AMPD3: variants seen among roughly 807,000 people sequenced by gnomAD.
AMPD3 encodes AMP deaminase 3.
A neutral mutation model predicts 82.3 loss-of-function variants in AMPD3; 57 were observed. That is an observed-to-expected ratio of 0.69 (90% CI 0.56 to 0.86). The LOEUF (loss-of-function observed/expected upper bound fraction) is 0.86. AMPD3 is among the 40% of genes least tolerant of loss of function. AMPD3 has a pLI of 0.00. For synonymous variants in AMPD3, 381 were observed against 394.7 expected (o/e 0.97, Z 0.41); for missense variants, 870 against 1,003.8 (o/e 0.87, Z 1.80).
chr11:10,454,000 G>A (rs540524085), upstream of AMPD3, among the ~76,000 whole-genome samples: 11 of 152,256 alleles, frequency 7.2e-5, no homozygotes, highest in African/African-American at 2.4e-4. Context: ...CAGGAGAAGC[G>A]GGCCCTGTAT....
At chr11:10,486,524 T>G in intron 5 of AMPD3, 18 of 980,150 alleles carry the variant, frequency 1.8e-5, no homozygotes, top group East Asian at 1.1e-4. Context: ...GCCCCTTCTC[T>G]GAGTTGGTGG....
chr11:10,501,432 G>C (rs746269223), intron 11 of AMPD3, 38 bp from the exon 12 acceptor site: 6 of 1,609,156 alleles, frequency 3.7e-6, no homozygotes, highest in Admixed American at 3.3e-5. Flanking sequence ...AGCCAACTGG[G>C]GGGGGCCTTC....
intron 3 of AMPD3, 108 bp downstream of exon 3, chr11:10,478,838 C>A: frequency 8.1e-7 from 1 of 1,241,812 alleles, no homozygotes; most frequent in Non-Finnish European, 1.1e-6. Flanking sequence ...CCGTGGATGT[C>A]TGGGAGAAGG....
upstream of AMPD3, among the ~76,000 whole-genome samples, chr11:10,454,562 T>A (rs1227312071): frequency 6.6e-6 from 1 of 152,212 alleles, no homozygotes; most frequent in East Asian, 1.9e-4. Flanking sequence ...TGAATACCCA[T>A]AAGGGACTAC....
At chr11:10,490,710 CT>C (rs1031523794) in intron 6 of AMPD3, 1 of 922,132 alleles carries the variant, frequency 1.1e-6, no homozygotes, top group African/African-American at 1.8e-5. Flanking sequence ...GCTGACCCCC[CT>C]GTGGTGTGTC....
At chr11:10,483,740 C>T (rs1848983611) in intron 4 of AMPD3, among the ~76,000 whole-genome samples, 1 of 152,266 alleles carries the variant, frequency 6.6e-6, no homozygotes, top group Admixed American at 6.5e-5. Flanking sequence ...CCTGCATCAG[C>T]CCCTCTGTGG....
At chr11:10,474,946 A>G (rs1026429267) in intron 2 of AMPD3, among the ~76,000 whole-genome samples, 2 of 152,212 alleles carry the variant, frequency 1.3e-5, no homozygotes, top group Non-Finnish European at 2.9e-5. Context: ...AGTGCTTTCT[A>G]ACAGGGGCAC....
intron 6 of AMPD3, among the ~76,000 whole-genome samples, chr11:10,491,070 C>T (rs1849226520): frequency 6.6e-6 from 1 of 152,212 alleles, no homozygotes; most frequent in African/African-American, 2.4e-5. Context: ...CTTGGAGATG[C>T]TCAGCCAGCC....
chr11:10,487,248 C>A lies in AMPD3; in HGVS notation c.823C>A (p.His275Asn). ...TCCAACTTGCAGGAAAACCTATTGTCACCGGCGACTGAACTTTCTGGAATC... is the reference window on the plus strand; with the variant it reads ...TCCAACTTGCAGGAAAACCTATTGTAACCGGCGACTGAACTTTCTGGAATC... ...ITDGPTKTYC[H>N]RRLNFLESKF... Residue 275 changes from histidine (H) to asparagine (N), a missense_variant, in exon 6 of 15, where the codon CAC becomes AAC. By Grantham distance (68) the His-to-Asn change is moderately conservative (BLOSUM62 1). Transcript: ENST00000396553. The A allele has an allele frequency of 6.2e-7, 1 of 1,614,144 alleles. No individual in the cohort carries two copies. Among genetic ancestry groups the A allele is most frequent in the South Asian group, 1.1e-5 (1 of 91,074 alleles).
At chr11:10,455,823 T>G in intron 1 of AMPD3, 2 of 852,630 alleles carry the variant, frequency 2.3e-6, no homozygotes, top group Non-Finnish European at 2.8e-6. Flanking sequence ...GAGGGCTGCT[T>G]TAGGGGGGCT....
At chr11:10,452,325 T>A (rs1222305683), upstream of AMPD3, among the ~76,000 whole-genome samples, 1 of 152,202 alleles carries the variant, frequency 6.6e-6, no homozygotes, top group East Asian at 1.9e-4. Flanking sequence ...AGCTGCCCAT[T>A]GGCCTCCATG....
upstream of AMPD3, among the ~76,000 whole-genome samples, chr11:10,454,267 G>A (rs1848032217): frequency 6.6e-6 from 1 of 152,182 alleles, no homozygotes. Context: ...GTTACAACCT[G>A]TGTCATCTTA....
chr11:10,493,601 G>A (rs768795857), intron 7 of AMPD3, 58 bp downstream of exon 7: 7 of 1,584,830 alleles, frequency 4.4e-6, no homozygotes, highest in African/African-American at 1.3e-5. Flanking sequence ...TGGGGACTCA[G>A]CCCCCTGGAA....
chr11:10,481,359 G>A (rs1848898981), intron 3 of AMPD3: 5 of 815,544 alleles, frequency 6.1e-6, no homozygotes, highest in Non-Finnish European at 7.4e-6. Context: ...GGTGCTCATC[G>A]CCTTCAGGGA....
chr11:10,494,879 G>C lies in AMPD3; in HGVS notation c.1135-20G>C. Reference sequence around the variant, plus strand: ...GTGGCTGCAGAACGATGCGTTGATTGGTGTGGTCTCCCCCCTCAGGGCCGG... The same window carrying C: ...GTGGCTGCAGAACGATGCGTTGATTCGTGTGGTCTCCCCCCTCAGGGCCGG... On this transcript the variant is annotated intron_variant, in intron 7 of 14. Coordinates refer to ENST00000396553, the MANE Select transcript of AMPD3 (RefSeq NM_001025389.2). The C allele has an allele frequency of 6.2e-7, 1 of 1,609,578 alleles. No individual in the cohort carries two copies. Among genetic ancestry groups the C allele is most frequent in the Non-Finnish European group, 8.5e-7 (1 of 1,176,116 alleles).
intron 10 of AMPD3, 150 bp downstream of exon 10, chr11:10,497,088 A>G: frequency 9.5e-7 from 1 of 1,058,140 alleles, no homozygotes; most frequent in South Asian, 1.3e-5. Context: ...CAGCCCCAAG[A>G]AGCTAGATTT....
chr11:10,490,470 C>T, intron 6 of AMPD3: 5 of 985,296 alleles, frequency 5.1e-6, no homozygotes, highest in Non-Finnish European at 6.0e-6. Context: ...TCAATGTTGG[C>T]TTAGGTCCCA....
intron 3 of AMPD3, among the ~76,000 whole-genome samples, chr11:10,480,827 C>T (rs973808044): frequency 2.6e-5 from 4 of 152,184 alleles, no homozygotes; most frequent in Admixed American, 2.6e-4. Context: ...CAGCCCTCCC[C>T]ACTCTGGGCT....
Position 10,506,668 on chromosome 11 carries a change from T to TAA in AMPD3, c.*784_*785insAA, listed in dbSNP as rs1849721820. 1 of 152,640 alleles carries TAA rather than the reference T, an allele frequency of 6.6e-6. No individual in the cohort carries two copies. The highest frequency in any genetic ancestry group is 1.5e-5 in the Non-Finnish European group (1 of 68,112). 9.5% of individuals were successfully genotyped at this position (152,640 alleles called of 1,614,324 possible). On this transcript the variant is annotated 3_prime_UTR_variant, in exon 15 of 15. Transcript: ENST00000396553. The surrounding 1 kb of genome is among the most constrained non-coding windows in gnomAD (Gnocchi z 4.1). ...CTGGGGCTGCTACATAATATTTTCA[T>TAA]TTGAACGAAGAACTTCAAAAAGCAC...
Sources: gnomAD v4.1 joint callset for allele counts (sites outside exome capture counted in the v4.1 genomes callset) on GRCh38, gnomAD v4.1.1 for gene constraint, Gnocchi (gnomAD v3.1) non-coding constraint, MANE v1.5 for transcripts, NCBI Gene and HGNC (gene_info 2026-07-23, HGNC 2026-07-21) for gene names.